Variants in ABCG2 observed in about 807,000 individuals in gnomAD.
ABCG2 encodes the protein ATP binding cassette subfamily G member 2 (JR blood group), also known as broad substrate specificity ATP-binding cassette transporter ABCG2.
Under a neutral mutation model 73.5 loss-of-function variants are expected in ABCG2, and 80 were observed. The ratio of observed to expected loss-of-function variants is 1.09; its 90% confidence interval spans 0.91 to 1.31. The LOEUF (loss-of-function observed/expected upper bound fraction) is 1.31. Among genes scored for constraint, ABCG2 ranks in the 50% most tolerant of loss-of-function variants. ABCG2 has a pLI of 0.00. For missense variants in ABCG2, 796 were observed against 786.2 expected, an observed-to-expected ratio of 1.01 and a Z score of -0.15; for synonymous variants, 269 against 282.4, an observed-to-expected ratio of 0.95 and a Z score of 0.48.
chr4:88,122,053 C>T (rs1225714499), intron 5 of ABCG2, among the ~76,000 whole-genome samples: 2 of 152,010 alleles, frequency 1.3e-5, no homozygotes, highest in Non-Finnish European at 2.9e-5. Context: ...ACCCAGGAAG[C>T]ACAAGGGGTG....
intron 1 of ABCG2, among the ~76,000 whole-genome samples, chr4:88,185,970 A>G (rs1241848307): frequency 6.6e-6 from 1 of 152,064 alleles, no homozygotes; most frequent in Admixed American, 6.5e-5. Context: ...AACTAAAAAT[A>G]GAACTTACAT....
intron 4 of ABCG2, 136 bp downstream of exon 4, chr4:88,131,667 A>G: frequency 1.6e-6 from 1 of 636,068 alleles, no homozygotes; most frequent in South Asian, 2.1e-5. Flanking sequence ...ATGAGAAATT[A>G]AGAAAAGCTG....
intron 1 of ABCG2, among the ~76,000 whole-genome samples, chr4:88,172,591 A>AT (rs879394231): frequency 2.0e-5 from 3 of 150,530 alleles, no homozygotes; most frequent in Non-Finnish European, 3.0e-5. Context: ...GAAAAAAAAA[A>AT]AAATTAATTA....
At position 88,118,759 on chromosome 4, in the gene ABCG2, T is replaced by G. The variant is rs182325642; in HGVS notation, c.690-499A>C. Among the ~76,000 whole-genome samples the G allele has an allele frequency of 2.0e-5, 3 of 152,352 alleles. No homozygotes were observed. The East Asian group carries it at 5.8e-4, about 29-fold the overall frequency. On this transcript the variant is annotated intron_variant, in intron 6 of 15. Transcript: ENST00000237612. ...AATTAACATAACTGAGTACTTACTA[T>G]GTCTTTGCTAAATAATTTAGAGATA...
At chr4:88,108,538 AATT>A (rs970706572) in intron 9 of ABCG2, among the ~76,000 whole-genome samples, 66 of 152,288 alleles carry the variant, frequency 4.3e-4, no homozygotes, top group African/African-American at 1.4e-3. Context: ...TCAAAAAATA[AATT>A]GATAAATAAA....
chr4:88,122,185 C>T lies in ABCG2; in HGVS notation c.532-393G>A, dbSNP rs563506137. 1.3e-4 allele frequency among the ~76,000 whole-genome samples: 20 copies of T among 152,228 alleles called. No homozygotes were observed. In the East Asian group the frequency reaches 3.5e-3, roughly 27 times the overall value. On this transcript the variant is annotated intron_variant, in intron 5 of 15. Coordinates refer to ENST00000237612, the MANE Select transcript of ABCG2 (RefSeq NM_004827.3). The stretch of plus-strand genomic sequence containing the variant: ...CACAACCCGCAGACCAGGAGATTCC[C>T]GCAGGTGCCTACATCACCAGGGCCC...
At chr4:88,228,980 G>T (rs2110136617) in intron 1 of ABCG2, among the ~76,000 whole-genome samples, 1 of 152,180 alleles carries the variant, frequency 6.6e-6, no homozygotes, top group Middle Eastern at 3.4e-3. Context: ...TCTGTAAAAG[G>T]GACCAATCAG....
chr4:88,145,093 CTT>C (rs548328875), intron 1 of ABCG2, among the ~76,000 whole-genome samples: 2 of 149,452 alleles, frequency 1.3e-5, no homozygotes, highest in Non-Finnish European at 3.0e-5. Flanking sequence ...TCTACTCTTC[CTT>C]TTTTTTTTCC....
rs189840703 is a variant in ABCG2, at chr4:88,153,761, A to G, written c.-20+4625T>C. ...GTGAAAGTGTCTACCCAGACCAAGA[A>G]GTATTTTAGTTTCCTGACTCGGGGC... On this transcript the variant is annotated intron_variant, in intron 1 of 15. Transcript: ENST00000237612. 5.5e-3 allele frequency among the ~76,000 whole-genome samples: 842 copies of G among 152,162 alleles called. 12 individuals are homozygous for G. Among genetic ancestry groups the G allele is most frequent in the African/African-American group, 0.019 (786 of 41,520 alleles).
At chr4:88,184,482 ATTAAC>A (rs1328755970) in intron 1 of ABCG2, among the ~76,000 whole-genome samples, 1 of 152,194 alleles carries the variant, frequency 6.6e-6, no homozygotes, top group Non-Finnish European at 1.5e-5. Context: ...ATACCTAGGA[ATTAAC>A]TTAATCAAAG....
chr4:88,220,987 G>C (rs369991565), intron 1 of ABCG2, among the ~76,000 whole-genome samples: 8 of 152,178 alleles, frequency 5.3e-5, no homozygotes, highest in East Asian at 1.9e-4. Context: ...CCCAGTCTCT[G>C]GCTGGGTACA....
intron 1 of ABCG2, among the ~76,000 whole-genome samples, chr4:88,140,650 A>G (rs77377473): frequency 0.018 from 2,793 of 151,918 alleles, 127 homozygotes; most frequent in East Asian, 0.18. Flanking sequence ...AAGAAACTCT[A>G]TTTTTTTTAA....
At chr4:88,134,500 G>C (rs1725113188) in intron 2 of ABCG2, among the ~76,000 whole-genome samples, 1 of 152,086 alleles carries the variant, frequency 6.6e-6, no homozygotes, top group Admixed American at 6.6e-5. Context: ...ACTAATGATT[G>C]GGCAAATTTT....
Position 88,093,853 on chromosome 4 carries a change from C to A in ABCG2, c.1820+724G>T, listed in dbSNP as rs542332933. The stretch of plus-strand genomic sequence containing the variant: ...ACCATTAGCAATCATAGAAAAGGCA[C>A]GTGTTACTAAATTCTTAAAACAATA... On this transcript the variant is annotated intron_variant, in intron 15 of 15. Coordinates refer to ENST00000237612, the MANE Select transcript of ABCG2 (RefSeq NM_004827.3). 6.6e-5 allele frequency among the ~76,000 whole-genome samples: 10 copies of A among 152,256 alleles called. No homozygotes were observed. The South Asian group carries it at 8.3e-4, about 13-fold the overall frequency.
intron 1 of ABCG2, among the ~76,000 whole-genome samples, chr4:88,143,177 T>C (rs369200804): frequency 1.7e-4 from 26 of 152,300 alleles, no homozygotes; most frequent in African/African-American, 4.6e-4. Flanking sequence ...AACTTGAGCA[T>C]ATGTGGATTT....
intron 1 of ABCG2, chr4:88,206,662 A>G (rs1729392731): frequency 6.6e-6 from 1 of 152,084 alleles, no homozygotes; most frequent in Non-Finnish European, 1.5e-5. Context: ...CCCCGTTGTC[A>G]TATTTTTAAA....
intron 7 of ABCG2, among the ~76,000 whole-genome samples, chr4:88,115,621 CAA>C (rs34465562): frequency 5.1e-4 from 55 of 107,866 alleles, no homozygotes; most frequent in Admixed American, 8.1e-4. Context: ...GTCTCTGGGC[CAA>C]AAAAAAAAAA....
intron 1 of ABCG2, among the ~76,000 whole-genome samples, chr4:88,221,278 A>G (rs1730003050): frequency 6.6e-6 from 1 of 152,228 alleles, no homozygotes; most frequent in East Asian, 1.9e-4. Context: ...AAATAAATAC[A>G]TAAATAAAAT....
At chr4:88,176,637 C>T (rs1285111136) in intron 1 of ABCG2, among the ~76,000 whole-genome samples, 1 of 143,124 alleles carries the variant, frequency 7.0e-6, no homozygotes, top group African/African-American at 2.6e-5. Flanking sequence ...CATGCCAGCA[C>T]ACCTGGCTAA....
Sources: allele counts gnomAD v4.1 joint callset (sites outside exome capture counted in the v4.1 genomes callset), GRCh38; gene constraint gnomAD v4.1.1; transcripts MANE v1.5; gene names NCBI Gene and HGNC (gene_info 2026-07-23, HGNC 2026-07-21).